The following REV3L variants were observed in gnomAD, a reference collection of about 807,000 sequenced individuals.
REV3L encodes the protein REV3 like, DNA directed polymerase zeta catalytic subunit, also known as DNA polymerase zeta catalytic subunit.
In REV3L, 69 loss-of-function variants were observed where a neutral mutation model predicts 299.4. The observed-to-expected ratio is 0.23, with a 90% CI of 0.19 to 0.28. The LOEUF is 0.28. Ranked by LOEUF, REV3L falls within the 10% of genes least tolerant of loss-of-function variation. The probability of loss-of-function intolerance (pLI) is 1.00; values close to 1 mark genes in which losing one functional copy is unlikely to be tolerated. For synonymous variants in REV3L, 1,238 were observed against 1,271.4 expected (o/e 0.97, Z 0.56); for missense variants, 3,128 against 3,693.8 (o/e 0.85, Z 3.97).
At chr6:111,452,994 A>G (rs1789735575) in intron 1 of REV3L, among the ~76,000 whole-genome samples, 1 of 152,100 alleles carries the variant, frequency 6.6e-6, no homozygotes, top group South Asian at 2.1e-4. Context: ...TTCTTTACAT[A>G]TTTTAATATA....
intron 1 of REV3L, among the ~76,000 whole-genome samples, chr6:111,481,449 T>G (rs1793627890): frequency 6.6e-6 from 1 of 152,200 alleles, no homozygotes; most frequent in South Asian, 2.1e-4. Context: ...CATATCAAAA[T>G]CATATTCACT....
chr6:111,433,370 G>A (rs538602747), intron 1 of REV3L, among the ~76,000 whole-genome samples: 26 of 152,092 alleles, frequency 1.7e-4, no homozygotes, highest in Admixed American at 5.2e-4. Flanking sequence ...TAAAACAACT[G>A]AGACCACAGA....
chr6:111,322,562 C>G lies in REV3L; in HGVS notation c.8351+7G>C. The G allele has an allele frequency of 6.2e-7, 1 of 1,607,754 alleles. No homozygotes were observed. Among genetic ancestry groups the G allele is most frequent in the African/African-American group, 1.3e-5 (1 of 74,894 alleles). ...AAAAGACAACTACAAAACCAAAAAC[C>G]CATTACCTGTCAGTATCGCCATATA... On this transcript the variant is annotated splice_region_variant and intron_variant, in intron 26 of 31. Coordinates refer to ENST00000368802, the MANE Select transcript of REV3L (RefSeq NM_001372078.1).
chr6:111,472,064 C>T, intron 1 of REV3L: 1 of 1,219,414 alleles, frequency 8.2e-7, no homozygotes, highest in Non-Finnish European at 1.1e-6. Flanking sequence ...ATATATTATT[C>T]CATAGTTTTA....
intron 1 of REV3L, among the ~76,000 whole-genome samples, chr6:111,455,929 T>G (rs934907439): frequency 2.0e-5 from 3 of 152,208 alleles, no homozygotes; most frequent in Non-Finnish European, 4.4e-5. Flanking sequence ...CAATGGTGGT[T>G]CCTTAAGATA....
intron 1 of REV3L, among the ~76,000 whole-genome samples, chr6:111,451,171 G>A (rs1789495587): frequency 6.6e-6 from 1 of 152,056 alleles, no homozygotes; most frequent in Admixed American, 6.6e-5. Context: ...ACCAAGTAAT[G>A]GAATTACAAG....
chr6:111,337,803 AT>A (rs1201357823), intron 21 of REV3L, among the ~76,000 whole-genome samples: 5 of 152,198 alleles, frequency 3.3e-5, no homozygotes, highest in African/African-American at 1.2e-4. Context: ...GAAATAATGC[AT>A]TATGTACAAA....
chr6:111,368,606 C>T (rs1779461244), intron 13 of REV3L, among the ~76,000 whole-genome samples: 1 of 152,070 alleles, frequency 6.6e-6, no homozygotes, highest in Admixed American at 6.5e-5. Flanking sequence ...ACTGACATAA[C>T]TTAGGAGCTG....
intron 1 of REV3L, among the ~76,000 whole-genome samples, chr6:111,479,218 A>T (rs745544090): frequency 6.6e-6 from 1 of 152,198 alleles, no homozygotes; most frequent in African/African-American, 2.4e-5. Flanking sequence ...TACTTTATTC[A>T]CAACCTTTCT....
At chr6:111,385,627 T>C (rs1781268577) in intron 9 of REV3L, among the ~76,000 whole-genome samples, 1 of 152,124 alleles carries the variant, frequency 6.6e-6, no homozygotes, top group South Asian at 2.1e-4. Flanking sequence ...GATAACTTTT[T>C]TTTTTAAATG....
At position 111,373,275 on chromosome 6, in the gene REV3L, T is replaced by G. The variant is rs534888716; in HGVS notation, c.5080A>C (p.Asn1694His). The G allele has an allele frequency of 6.2e-6, 10 of 1,613,936 alleles. No individual in the cohort carries two copies. The African/African-American group carries it at 8.0e-5, about 13-fold the overall frequency. Reference protein sequence around the residue: ...DLFPGQAIEKNEFLSHDNQKC... With the variant: ...DLFPGQAIEKHEFLSHDNQKC... ...TGGTTGTCATGACTTAAAAACTCAT[T>G]TTTTTCTATAGCTTGTCCTGGAAAA... The change falls in exon 13 of 32, where the codon AAT becomes CAT. Residue 1694 changes from asparagine (N) to histidine (H), a missense_variant. By Grantham distance (68) the Asn-to-His change is moderately conservative. This residue lies in a region of REV3L where 2,409 missense variants were observed against 2,611.8 expected (regional missense o/e 0.92). Coordinates refer to ENST00000368802, the MANE Select transcript of REV3L (RefSeq NM_001372078.1).
intron 1 of REV3L, among the ~76,000 whole-genome samples, chr6:111,466,050 C>T (rs1321365005): frequency 6.6e-6 from 1 of 152,132 alleles, no homozygotes; most frequent in Non-Finnish European, 1.5e-5. Context: ...CATTTAGAAA[C>T]TCTTACAGCA....
chr6:111,388,460 TATA>T (rs763340141), intron 7 of REV3L, among the ~76,000 whole-genome samples: 1 of 152,188 alleles, frequency 6.6e-6, no homozygotes, highest in African/African-American at 2.4e-5. Context: ...GTGCCTAAGA[TATA>T]ATAATTTTAA....
At chr6:111,350,557 TA>T (rs1043806013) in intron 19 of REV3L, among the ~76,000 whole-genome samples, 4 of 151,940 alleles carry the variant, frequency 2.6e-5, no homozygotes, top group African/African-American at 9.7e-5. Flanking sequence ...AATGAAAAGC[TA>T]AACTTAAAGC....
At chr6:111,338,311 C>CTTTTTTTTTTTT (rs1776115188) in intron 21 of REV3L, among the ~76,000 whole-genome samples, 4 of 49,034 alleles carry the variant, frequency 8.2e-5, no homozygotes, top group African/African-American at 1.2e-4. Flanking sequence ...AGTCTAAAGT[C>CTTTTTTTTTTTT]CTTTTTTTTT....
intron 4 of REV3L, among the ~76,000 whole-genome samples, chr6:111,393,838 G>C (rs547264058): frequency 6.6e-6 from 1 of 151,872 alleles, no homozygotes; most frequent in African/African-American, 2.4e-5. Context: ...GGCTAAAGAC[G>C]AACTTTTTTT....
intron 15 of REV3L, 82 bp downstream of exon 15, chr6:111,365,183 A>G (rs923262220): frequency 2.2e-6 from 2 of 910,528 alleles, no homozygotes; most frequent in African/African-American, 3.6e-5. Flanking sequence ...TTTAATTGAG[A>G]CAAAGTTAAC....
chr6:111,333,709 C>G (rs17511279), intron 22 of REV3L, among the ~76,000 whole-genome samples: 2,119 of 152,168 alleles, frequency 0.014, 44 homozygotes, highest in Admixed American at 0.059. Context: ...CTCCTGACCT[C>G]AGGTGATCCG....
intron 1 of REV3L, among the ~76,000 whole-genome samples, chr6:111,458,498 T>A (rs573445414): frequency 6.6e-6 from 1 of 152,262 alleles, no homozygotes; most frequent in African/African-American, 2.4e-5. Context: ...AAACTATCTT[T>A]CTTTGCTAAT....
Sources: allele counts gnomAD v4.1 joint callset (sites outside exome capture counted in the v4.1 genomes callset), GRCh38; gene constraint gnomAD v4.1.1; regional missense constraint gnomAD v4.1.1; transcripts MANE v1.5; gene names NCBI Gene and HGNC (gene_info 2026-07-23, HGNC 2026-07-21).